The following CAMK2B variants were observed in gnomAD, a reference collection of about 807,000 sequenced individuals.
CAMK2B encodes calcium/calmodulin-dependent protein kinase type II subunit beta.
Under a neutral mutation model 93.7 loss-of-function variants are expected in CAMK2B, and 27 were observed. That is an observed-to-expected ratio of 0.29 (90% CI 0.21 to 0.40). The LOEUF is 0.40. CAMK2B is among the 10% of genes least tolerant of loss of function. The probability of loss-of-function intolerance (pLI) is 1.00; values close to 1 mark genes in which losing one functional copy is unlikely to be tolerated. For missense variants in CAMK2B, 568 were observed against 895.8 expected, an observed-to-expected ratio of 0.63 and a Z score of 4.67; for synonymous variants, 374 against 358.8, an observed-to-expected ratio of 1.04 and a Z score of -0.48.
intron 2 of CAMK2B, among the ~76,000 whole-genome samples, chr7:44,278,323 C>T (rs866678936): frequency 6.6e-6 from 1 of 152,178 alleles, no homozygotes; most frequent in Non-Finnish European, 1.5e-5. Flanking sequence ...AGCTTTGCAA[C>T]ATCCCTGTGA....
rs370682773 is a variant in CAMK2B, at chr7:44,232,908, A to T, written c.1132-42T>A. The T allele has an allele frequency of 4.6e-5, 73 of 1,582,950 alleles. No homozygotes were observed. The African/African-American group carries it at 8.6e-4, about 19-fold the overall frequency. ...ACACAGAGGAAGGAAAGAGAGGGAA[A>T]GTGAGAAGAGGAGGAAGCGGAGACC... On this transcript the variant is annotated intron_variant, in intron 15 of 23. Transcript: ENST00000395749.
chr7:44,306,718 G>T (rs1318738458), intron 1 of CAMK2B, among the ~76,000 whole-genome samples: 2 of 151,916 alleles, frequency 1.3e-5, no homozygotes, highest in Non-Finnish European at 2.9e-5. Context: ...AAACCAGTGA[G>T]CAGGAGGAGG....
chr7:44,256,787 T>C (rs1488809495), intron 4 of CAMK2B, among the ~76,000 whole-genome samples: 1 of 152,190 alleles, frequency 6.6e-6, no homozygotes, highest in African/African-American at 2.4e-5. Flanking sequence ...TGGTGTGCTC[T>C]GTGTGCTCAG....
chr7:44,229,083 C>G (rs565916639), intron 18 of CAMK2B, 159 bp from the exon 19 acceptor site: 7 of 751,014 alleles, frequency 9.3e-6, no homozygotes, highest in Non-Finnish European at 1.4e-5. Context: ...GGAGCCCCCC[C>G]GCCCGCAAGC....
At chr7:44,262,931 T>C (rs769447196) in intron 3 of CAMK2B, 74 bp downstream of exon 3, 9 of 1,314,468 alleles carry the variant, frequency 6.8e-6, no homozygotes, top group Non-Finnish European at 8.6e-6. Flanking sequence ...GAAAGTCTGA[T>C]AGAGAAACCG....
At chr7:44,298,534 T>C (rs1788941746) in intron 1 of CAMK2B, among the ~76,000 whole-genome samples, 2 of 152,184 alleles carry the variant, frequency 1.3e-5, no homozygotes, top group African/African-American at 4.8e-5. Flanking sequence ...AAAAAATTAA[T>C]TGGGCTTACC....
At position 44,254,532 on chromosome 7, in the gene CAMK2B, C is replaced by T. The variant is rs769669762; in HGVS notation, c.341+10G>A. 68 of 1,605,932 alleles carry T rather than the reference C, an allele frequency of 4.2e-5. 1 individual carries two copies. The South Asian group carries it at 7.5e-4, about 18-fold the overall frequency. On this transcript the variant is annotated intron_variant, in intron 5 of 23. Coordinates refer to ENST00000395749, the MANE Select transcript of CAMK2B (RefSeq NM_001220.5). ...AGAGGGACAGGACAGCGTGAGGGCTCTGCACCCACCTGGCATCAGCCTCGC... is the reference window on the plus strand; with the variant it reads ...AGAGGGACAGGACAGCGTGAGGGCTTTGCACCCACCTGGCATCAGCCTCGC...
At chr7:44,245,933 A>G (rs2096725376) in intron 6 of CAMK2B, among the ~76,000 whole-genome samples, 1 of 151,716 alleles carries the variant, frequency 6.6e-6, no homozygotes, top group South Asian at 2.1e-4. Flanking sequence ...AGCCTTGGGG[A>G]AGGTGGGGTT....
intron 9 of CAMK2B, 49 bp from the exon 10 acceptor site, chr7:44,242,389 C>T: frequency 1.3e-6 from 2 of 1,594,292 alleles, no homozygotes; most frequent in South Asian, 2.3e-5. Context: ...CCCTCTCAGG[C>T]AGGGGCAAGA....
At chr7:44,289,951 A>G (rs1786301927) in intron 1 of CAMK2B, among the ~76,000 whole-genome samples, 1 of 152,116 alleles carries the variant, frequency 6.6e-6, no homozygotes, top group Non-Finnish European at 1.5e-5. Flanking sequence ...CACACCATCC[A>G]GTTTCCTCCC....
chr7:44,250,156 G>A (rs1029836872), intron 5 of CAMK2B, among the ~76,000 whole-genome samples: 4 of 152,242 alleles, frequency 2.6e-5, no homozygotes, highest in Non-Finnish European at 5.9e-5. Flanking sequence ...AGGTGGGATG[G>A]GACAACCACC....
chr7:44,234,353 G>A (rs763462153), intron 15 of CAMK2B, 37 bp downstream of exon 15: 3 of 1,474,792 alleles, frequency 2.0e-6, no homozygotes, highest in Non-Finnish European at 2.7e-6. Flanking sequence ...CAGGGGCGTA[G>A]GAGGGGCTGA....
intron 6 of CAMK2B, chr7:44,244,889 C>T (rs1347529040): frequency 1.5e-5 from 7 of 454,518 alleles, no homozygotes; most frequent in Middle Eastern, 3.3e-4. Context: ...TCCACCTCCT[C>T]GTCACCTTGG....
intron 2 of CAMK2B, among the ~76,000 whole-genome samples, chr7:44,283,131 C>G (rs1318039402): frequency 1.3e-5 from 2 of 152,256 alleles, no homozygotes; most frequent in African/African-American, 4.8e-5. Context: ...GCACACCCCA[C>G]CTTGGGGCTC....
chr7:44,235,676 C>T (rs2096618745), intron 13 of CAMK2B, among the ~76,000 whole-genome samples: 1 of 152,180 alleles, frequency 6.6e-6, no homozygotes, highest in South Asian at 2.1e-4. Flanking sequence ...ACCACGCTCA[C>T]CAAAAAGAGC....
At chr7:44,275,371 A>T (rs904353355) in intron 2 of CAMK2B, among the ~76,000 whole-genome samples, 1 of 152,228 alleles carries the variant, frequency 6.6e-6, no homozygotes, top group Non-Finnish European at 1.5e-5. Context: ...TCCACCTGAC[A>T]GATGGGGCCA....
chr7:44,270,056 G>A (rs1322925838), intron 2 of CAMK2B, among the ~76,000 whole-genome samples: 1 of 151,834 alleles, frequency 6.6e-6, no homozygotes, highest in African/African-American at 2.4e-5. Flanking sequence ...CTGACACAGG[G>A]TGGGTGCTCA....
intron 5 of CAMK2B, among the ~76,000 whole-genome samples, chr7:44,250,030 G>A (rs1156871272): frequency 6.6e-6 from 1 of 152,178 alleles, no homozygotes; most frequent in African/African-American, 2.4e-5. Flanking sequence ...GATCAAGTCC[G>A]CCCCATCCAT....
intron 1 of CAMK2B, among the ~76,000 whole-genome samples, chr7:44,298,956 T>C (rs1789111967): frequency 6.6e-6 from 1 of 152,310 alleles, no homozygotes; most frequent in African/African-American, 2.4e-5. Context: ...GAATGTAAAA[T>C]GTTGCAGCCA....
Sources: allele counts gnomAD v4.1 joint callset (sites outside exome capture counted in the v4.1 genomes callset), GRCh38; gene constraint gnomAD v4.1.1; transcripts MANE v1.5; gene names NCBI Gene and HGNC (gene_info 2026-07-23, HGNC 2026-07-21).